TMEM132D: variants seen among roughly 807,000 people sequenced by gnomAD.
TMEM132D encodes transmembrane protein 132D.
TMEM132D carries 21 observed loss-of-function variants against 62.3 expected under a neutral mutation model. The observed-to-expected ratio is 0.34, with a 90% CI of 0.24 to 0.49. The LOEUF (loss-of-function observed/expected upper bound fraction) is 0.49. Ranked by LOEUF, TMEM132D falls within the 20% of genes least tolerant of loss-of-function variation. The pLI is 0.99. For missense variants in TMEM132D, 1,346 were observed against 1,402.8 expected, an observed-to-expected ratio of 0.96 and a Z score of 0.65; for synonymous variants, 621 against 575.6, an observed-to-expected ratio of 1.08 and a Z score of -1.13.
At chr12:129,611,730 A>T (rs2137151765) in intron 2 of TMEM132D, among the ~76,000 whole-genome samples, 1 of 152,286 alleles carries the variant, frequency 6.6e-6, no homozygotes, top group Middle Eastern at 3.4e-3. Context: ...AACTAGAGAT[A>T]ATTCATCATT....
chr12:129,344,183 TTC>T (rs1303591045), intron 3 of TMEM132D, among the ~76,000 whole-genome samples: 2 of 152,198 alleles, frequency 1.3e-5, no homozygotes, highest in Non-Finnish European at 2.9e-5. Context: ...TCGCCCTGAA[TTC>T]TTTCTTGCGT....
At chr12:129,743,685 G>C (rs1203711966) in intron 1 of TMEM132D, among the ~76,000 whole-genome samples, 1 of 152,162 alleles carries the variant, frequency 6.6e-6, no homozygotes, top group Non-Finnish European at 1.5e-5. Flanking sequence ...CATGGTGAGA[G>C]GGACTCTGCA....
At chr12:129,547,496 C>A (rs1280308499) in intron 2 of TMEM132D, among the ~76,000 whole-genome samples, 3 of 152,152 alleles carry the variant, frequency 2.0e-5, no homozygotes, top group Non-Finnish European at 4.4e-5. Context: ...CAGAGAAGGT[C>A]ACATTCACAG....
At chr12:129,286,478 G>A (rs923398806) in intron 4 of TMEM132D, among the ~76,000 whole-genome samples, 1 of 152,170 alleles carries the variant, frequency 6.6e-6, no homozygotes, top group East Asian at 1.9e-4. Context: ...TAAGAGCACA[G>A]TATATGGCTA....
chr12:129,272,261 A>G (rs1880874948), intron 4 of TMEM132D, among the ~76,000 whole-genome samples: 1 of 151,802 alleles, frequency 6.6e-6, no homozygotes, highest in Non-Finnish European at 1.5e-5. Flanking sequence ...GACCTGCTCA[A>G]TCAGGGTCTA....
At chr12:129,568,391 GGA>G (rs1256452831) in intron 2 of TMEM132D, among the ~76,000 whole-genome samples, 1 of 152,182 alleles carries the variant, frequency 6.6e-6, no homozygotes, top group African/African-American at 2.4e-5. Context: ...TGGAACTAGA[GGA>G]GAGTTTCATT....
intron 1 of TMEM132D, among the ~76,000 whole-genome samples, chr12:129,792,555 G>C (rs1871430774): frequency 6.6e-6 from 1 of 152,126 alleles, no homozygotes; most frequent in African/African-American, 2.4e-5. Flanking sequence ...GCTGAGCATG[G>C]GAAACAAATG....
rs567594352 is a variant in TMEM132D at position 129,324,252 on chromosome 12, T to C, written c.1299+13382A>G. Among the ~76,000 whole-genome samples, 6 of 152,324 alleles carry C rather than the reference T, an allele frequency of 3.9e-5. No homozygotes were observed. In the East Asian group the frequency reaches 9.7e-4, roughly 25 times the overall value. ...AGTTTAGGGTAGGTTGATGGCCTAA[T>C]TGGACACAGTCTGACTGTTCGCATA... On this transcript the variant is annotated intron_variant, in intron 4 of 8. Coordinates refer to ENST00000422113, the MANE Select transcript of TMEM132D (RefSeq NM_133448.3).
At chr12:129,655,857 G>A (rs140523061) in intron 2 of TMEM132D, among the ~76,000 whole-genome samples, 166 of 152,310 alleles carry the variant, frequency 1.1e-3, no homozygotes, top group African/African-American at 3.8e-3. Context: ...CACACAGAAG[G>A]AAGGGGACAT....
chr12:129,478,162 C>T (rs73429750), intron 3 of TMEM132D, among the ~76,000 whole-genome samples: 4,049 of 152,234 alleles, frequency 0.027, 176 homozygotes, highest in African/African-American at 0.092. Flanking sequence ...TTAAAAGGTG[C>T]GCCTGTATAG....
At chr12:129,303,783 G>A (rs932555014) in intron 4 of TMEM132D, among the ~76,000 whole-genome samples, 1 of 152,040 alleles carries the variant, frequency 6.6e-6, no homozygotes, top group Admixed American at 6.5e-5. Flanking sequence ...CAGGAAAGCT[G>A]GTGATGTGAT....
chr12:129,453,533 A>T (rs1873369939), intron 3 of TMEM132D, among the ~76,000 whole-genome samples: 1 of 152,188 alleles, frequency 6.6e-6, no homozygotes, highest in Non-Finnish European at 1.5e-5. Flanking sequence ...TTATACAGGG[A>T]TTTATTGACA....
At chr12:129,391,782 A>T (rs1871296172) in intron 3 of TMEM132D, among the ~76,000 whole-genome samples, 1 of 152,090 alleles carries the variant, frequency 6.6e-6, no homozygotes, top group Non-Finnish European at 1.5e-5. Flanking sequence ...TTTTAGATAG[A>T]GTCTCGTTCT....
At chr12:129,454,129 T>C (rs1416731049) in intron 3 of TMEM132D, among the ~76,000 whole-genome samples, 2 of 152,210 alleles carry the variant, frequency 1.3e-5, no homozygotes, top group Non-Finnish European at 2.9e-5. Flanking sequence ...GAGGTTAGCT[T>C]TTGTGTCCCA....
chr12:129,209,496 A>C lies in TMEM132D; in HGVS notation c.1443+24T>G, dbSNP rs376319730. ...AGCTGACATGACAGCAGGTTTCTGCAGGGGCGGGGAGGTGTCAACTTGCCT... is the reference window on the plus strand; with the variant it reads ...AGCTGACATGACAGCAGGTTTCTGCCGGGGCGGGGAGGTGTCAACTTGCCT... On this transcript the variant is annotated intron_variant, in intron 5 of 8. Coordinates refer to ENST00000422113, the MANE Select transcript of TMEM132D (RefSeq NM_133448.3). 1.6e-5 allele frequency: 26 copies of C among 1,612,600 alleles called. No individual in the cohort carries two copies. The African/African-American group carries it at 2.9e-4, about 18-fold the overall frequency.
chr12:129,775,331 C>T (rs1397467785), intron 1 of TMEM132D, among the ~76,000 whole-genome samples: 1 of 152,120 alleles, frequency 6.6e-6, no homozygotes, highest in Admixed American at 6.5e-5. Context: ...GGAATGCCAC[C>T]CCAGCTGCAG....
chr12:129,514,196 G>A (rs910849882), intron 3 of TMEM132D, among the ~76,000 whole-genome samples: 2 of 151,810 alleles, frequency 1.3e-5, no homozygotes, highest in Non-Finnish European at 2.9e-5. Context: ...ATATCCAACC[G>A]CAGTAGGCTA....
chr12:129,083,580 C>T (rs756049989), intron 6 of TMEM132D, among the ~76,000 whole-genome samples: 3 of 152,226 alleles, frequency 2.0e-5, no homozygotes, highest in Admixed American at 6.5e-5. Context: ...CAGCCTTCGT[C>T]CTTGAAGCAT....
At chr12:129,824,567 G>T (rs1872614626) in intron 1 of TMEM132D, among the ~76,000 whole-genome samples, 1 of 152,126 alleles carries the variant, frequency 6.6e-6, no homozygotes, top group Admixed American at 6.5e-5. Context: ...GATGGGACTA[G>T]TTCCCTTATA....
Sources: allele counts gnomAD v4.1 joint callset (sites outside exome capture counted in the v4.1 genomes callset), GRCh38; gene constraint gnomAD v4.1.1; transcripts MANE v1.5; gene names NCBI Gene and HGNC (gene_info 2026-07-23, HGNC 2026-07-21).